DPY19L4: variants seen among roughly 807,000 people sequenced by gnomAD.
DPY19L4 encodes the protein dpy-19 like 4.
Under a neutral mutation model 102.8 loss-of-function variants are expected in DPY19L4, and 97 were observed. The observed-to-expected ratio is 0.94, with a 90% CI of 0.80 to 1.12. DPY19L4 has a LOEUF of 1.12. DPY19L4 is among the 50% of genes most tolerant of loss of function. The probability of loss-of-function intolerance (pLI) is 0.00; values close to 1 mark genes in which losing one functional copy is unlikely to be tolerated. For missense variants in DPY19L4, 815 were observed against 850.4 expected (o/e 0.96, Z 0.52); for synonymous variants, 252 against 283.1 (o/e 0.89, Z 1.10).
At chr8:94,774,855 C>G (rs1222770873) in intron 13 of DPY19L4, among the ~76,000 whole-genome samples, 3 of 151,678 alleles carry the variant, frequency 2.0e-5, no homozygotes, top group African/African-American at 7.3e-5. Context: ...GGGATTACAG[C>G]CATGAGCCAC....
At chr8:94,780,455 A>T (rs1813380431) in intron 15 of DPY19L4, 40 bp downstream of exon 15, 2 of 1,274,370 alleles carry the variant, frequency 1.6e-6, no homozygotes, top group South Asian at 4.1e-5. Context: ...AATGTACTTT[A>T]TCTACAAAGG....
chr8:94,773,055 T>TA (rs1812998633), intron 13 of DPY19L4, among the ~76,000 whole-genome samples: 1 of 151,542 alleles, frequency 6.6e-6, no homozygotes, highest in Non-Finnish European at 1.5e-5. Flanking sequence ...TTATTAAAAA[T>TA]ACAAAAAAAT....
intron 6 of DPY19L4, among the ~76,000 whole-genome samples, chr8:94,743,730 G>A (rs984623672): frequency 6.6e-6 from 1 of 152,152 alleles, no homozygotes. Context: ...TCTTGGCTGC[G>A]TGCAGTGGCT....
intron 2 of DPY19L4, among the ~76,000 whole-genome samples, chr8:94,727,832 ATTGT>A (rs1176566598): frequency 6.6e-6 from 1 of 152,186 alleles, no homozygotes; most frequent in East Asian, 1.9e-4. Flanking sequence ...CATAAACTAC[ATTGT>A]TTGTACAAAG....
At chr8:94,731,216 A>G (rs759425172) in intron 2 of DPY19L4, among the ~76,000 whole-genome samples, 10 of 152,170 alleles carry the variant, frequency 6.6e-5, no homozygotes, top group Non-Finnish European at 1.3e-4. Flanking sequence ...AGAAATTTCT[A>G]AGTGCTTTTG....
chr8:94,750,541 T>G (rs577486268), intron 6 of DPY19L4, among the ~76,000 whole-genome samples: 6 of 152,172 alleles, frequency 3.9e-5, no homozygotes, highest in Admixed American at 1.3e-4. Flanking sequence ...GTGATCCTGT[T>G]TTTGCATATA....
At chr8:94,758,215 AGTGCG>A (rs375914400) in intron 7 of DPY19L4, among the ~76,000 whole-genome samples, 252 of 152,258 alleles carry the variant, frequency 1.7e-3, no homozygotes, top group African/African-American at 5.6e-3. Flanking sequence ...CCCAGACTGG[AGTGCG>A]GTGGCGTGAT....
Position 94,790,081 on chromosome 8 carries a change from T to C in DPY19L4, c.*171T>C, listed in dbSNP as rs1242009702. 1 of 578,126 alleles carries C rather than the reference T, an allele frequency of 1.7e-6. No individual in the cohort carries two copies. Among genetic ancestry groups the C allele is most frequent in the African/African-American group, 1.9e-5 (1 of 51,600 alleles). The allele number at this position is 578,126 out of a possible 1,614,324, so 35.8% of individuals were successfully genotyped here. A position where few individuals can be genotyped will look rare whatever the true frequency, so the allele number is the denominator to read the frequency against. ...TCTGTGGGAAATAGAAGATCAAGCATTACTGTCCTTTGATTAAATGTGATA... is the reference window on the plus strand; with the variant it reads ...TCTGTGGGAAATAGAAGATCAAGCACTACTGTCCTTTGATTAAATGTGATA... On this transcript the variant is annotated 3_prime_UTR_variant, in exon 19 of 19. Transcript: ENST00000414645.
At chr8:94,763,589 C>T (rs150363109) in intron 8 of DPY19L4, among the ~76,000 whole-genome samples, 2,108 of 151,730 alleles carry the variant, frequency 0.014, 48 homozygotes, top group African/African-American at 0.047. Flanking sequence ...GGTGCGATCT[C>T]AGCTCACTGT....
chr8:94,754,786 A>G (rs1241944012), intron 6 of DPY19L4, among the ~76,000 whole-genome samples: 1 of 152,110 alleles, frequency 6.6e-6, no homozygotes, highest in Non-Finnish European at 1.5e-5. Flanking sequence ...AGACATTCCT[A>G]TATTTCTTTT....
intron 6 of DPY19L4, among the ~76,000 whole-genome samples, chr8:94,748,148 G>T: frequency 6.6e-6 from 1 of 152,182 alleles, no homozygotes; most frequent in Non-Finnish European, 1.5e-5. Flanking sequence ...GGTGGTAAAG[G>T]GGAGGCTTGT....
intron 16 of DPY19L4, among the ~76,000 whole-genome samples, chr8:94,782,736 A>AT (rs1339937722): frequency 3.3e-5 from 5 of 152,246 alleles, no homozygotes; most frequent in African/African-American, 1.2e-4. Context: ...TTACTATAAC[A>AT]TATCTTCTAT....
At chr8:94,730,745 CTTTT>C (rs533095374) in intron 2 of DPY19L4, among the ~76,000 whole-genome samples, 1 of 116,206 alleles carries the variant, frequency 8.6e-6, no homozygotes, top group Admixed American at 8.6e-5. Flanking sequence ...AACTCTGTCT[CTTTT>C]TTTTTTTTTT....
intron 15 of DPY19L4, 108 bp downstream of exon 15, chr8:94,780,523 TA>T: frequency 1.4e-6 from 1 of 698,624 alleles, no homozygotes; most frequent in Non-Finnish European, 2.1e-6. Flanking sequence ...CCTAACAAAA[TA>T]AAATGTAACA....
rs777007703 is a variant in DPY19L4, at chr8:94,765,222, C to A, written c.910C>A (p.Leu304Met). Residue 304 changes from leucine (L) to methionine (M), a missense_variant, in exon 9 of 19, where the codon CTG becomes ATG. Coordinates refer to ENST00000414645, the MANE Select transcript of DPY19L4 (RefSeq NM_181787.3). ...TAAAATCTACATATTTTCCCTCTTTCTGGGATATTTACTACAGTTTGAGAA... is the reference window on the plus strand; with the variant it reads ...TAAAATCTACATATTTTCCCTCTTTATGGGATATTTACTACAGTTTGAGAA... ...VYKIYIFSLF[L>M]GYLLQFENPA... The A allele has an allele frequency of 6.3e-7, 1 of 1,593,750 alleles. No homozygotes were observed. Among genetic ancestry groups the A allele is most frequent in the Admixed American group, 1.7e-5 (1 of 57,574 alleles).
At chr8:94,763,594 C>T (rs1391676497) in intron 8 of DPY19L4, among the ~76,000 whole-genome samples, 11 of 151,672 alleles carry the variant, frequency 7.3e-5, no homozygotes, top group Admixed American at 7.2e-4. Flanking sequence ...GATCTCAGCT[C>T]ACTGTAGCCT....
chr8:94,765,064 T>A (rs1051268701), intron 8 of DPY19L4, 119 bp from the exon 9 acceptor site: 2 of 784,286 alleles, frequency 2.6e-6, no homozygotes, highest in Non-Finnish European at 1.9e-6. Flanking sequence ...TGCATAATAC[T>A]TTCCTAAATT....
intron 6 of DPY19L4, among the ~76,000 whole-genome samples, chr8:94,740,883 A>G (rs928480704): frequency 6.6e-6 from 1 of 152,160 alleles, no homozygotes; most frequent in Non-Finnish European, 1.5e-5. Context: ...AATACTCTAT[A>G]TAGCTGATTT....
rs542475655 is a variant in DPY19L4 at position 94,745,636 on chromosome 8, T to C, written c.611+5846T>C. ...TATACTCAGGCTGCTGGTGGAGATATAAGTTTTTTCAATTTTAGGGAGCAG... is the reference window on the plus strand; with the variant it reads ...TATACTCAGGCTGCTGGTGGAGATACAAGTTTTTTCAATTTTAGGGAGCAG... On this transcript the variant is annotated intron_variant, in intron 6 of 18. Transcript: ENST00000414645. Among the ~76,000 whole-genome samples the C allele has an allele frequency of 7.9e-5, 12 of 152,292 alleles. No homozygotes were observed. In the East Asian group the frequency reaches 1.4e-3, roughly 17 times the overall value.
Sources: allele counts gnomAD v4.1 joint callset (sites outside exome capture counted in the v4.1 genomes callset), GRCh38; gene constraint gnomAD v4.1.1; transcripts MANE v1.5; gene names NCBI Gene and HGNC (gene_info 2026-07-23, HGNC 2026-07-21).